Variants in KAZN observed in about 807,000 individuals in gnomAD.
KAZN encodes the protein kazrin.
Under a neutral mutation model 87.4 loss-of-function variants are expected in KAZN, and 40 were observed. That is an observed-to-expected ratio of 0.46 (90% confidence interval 0.36 to 0.60). The LOEUF (loss-of-function observed/expected upper bound fraction) is 0.60, where lower values mean the gene tolerates loss of function less well. KAZN is among the 20% of genes least tolerant of loss of function. The pLI is 0.00. For missense variants in KAZN, 898 were observed against 1,073.9 expected, an observed-to-expected ratio of 0.84 and a Z score of 2.29; for synonymous variants, 466 against 458.3, an observed-to-expected ratio of 1.02 and a Z score of -0.22.
intron 1 of KAZN, among the ~76,000 whole-genome samples, chr1:14,808,563 G>T (rs1024635444): frequency 6.6e-6 from 1 of 151,850 alleles, no homozygotes. Context: ...CTCCTAAAGT[G>T]CTGGGATCAC....
intron 2 of KAZN, among the ~76,000 whole-genome samples, chr1:14,205,332 G>A (rs1646717962): frequency 1.3e-5 from 2 of 152,208 alleles, no homozygotes; most frequent in Non-Finnish European, 2.9e-5. Context: ...ATAAAGTAGA[G>A]CTTGAAGGAA....
chr1:14,139,947 G>GGTA (rs1293857838), intron 1 of KAZN, among the ~76,000 whole-genome samples: 3 of 53,104 alleles, frequency 5.6e-5, no homozygotes, highest in African/African-American at 2.3e-4. Context: ...GTGTGTGTGT[G>GGTA]TGTGTGTGTG....
In KAZN at chr1:15,056,632, A is replaced by G. The variant is rs543603301; in HGVS notation, c.916+352A>G. Among the ~76,000 whole-genome samples the G allele has an allele frequency of 1.1e-4, 16 of 152,324 alleles. No individual in the cohort carries two copies. Among genetic ancestry groups the G allele is most frequent in the African/African-American group, 3.8e-4 (16 of 41,580 alleles). ...GCTCAAGTCTTAAGAAAGAAAAACT[A>G]TCTCTTTCCCCCTGTGTCCATAGCA... On this transcript the variant is annotated intron_variant, in intron 5 of 14. Coordinates refer to ENST00000376030, the MANE Select transcript of KAZN (RefSeq NM_201628.3). The surrounding 1 kb of genome is among the most constrained non-coding windows in gnomAD (Gnocchi z 5.4).
At chr1:14,383,013 A>G (rs1421437208) in intron 2 of KAZN, among the ~76,000 whole-genome samples, 1 of 150,738 alleles carries the variant, frequency 6.6e-6, no homozygotes, top group Non-Finnish European at 1.5e-5. Context: ...TTGCCATTCT[A>G]ACTGGTGTGA....
At chr1:14,039,345 A>G (rs2101385456) in intron 1 of KAZN, among the ~76,000 whole-genome samples, 1 of 152,320 alleles carries the variant, frequency 6.6e-6, no homozygotes, top group East Asian at 1.9e-4. Flanking sequence ...ATCAAGGCAT[A>G]CAGCAAGGAC....
intron 2 of KAZN, among the ~76,000 whole-genome samples, chr1:14,968,625 G>C (rs775312547): frequency 6.6e-6 from 1 of 152,196 alleles, no homozygotes; most frequent in Non-Finnish European, 1.5e-5. Flanking sequence ...GGGCACAGCA[G>C]CCAGCACGGG....
At chr1:14,969,896 C>A (rs1018023309) in intron 2 of KAZN, among the ~76,000 whole-genome samples, 6 of 152,132 alleles carry the variant, frequency 3.9e-5, no homozygotes, top group Non-Finnish European at 8.8e-5. Flanking sequence ...TCACTGCAAC[C>A]TCTACCTCCT....
chr1:15,002,832 C>T (rs781562665), intron 2 of KAZN, among the ~76,000 whole-genome samples: 4 of 151,810 alleles, frequency 2.6e-5, no homozygotes, highest in Non-Finnish European at 5.9e-5. Flanking sequence ...AAAAATTAGC[C>T]TGGTATGGTG....
At chr1:14,357,786 G>T (rs541473620) in intron 2 of KAZN, among the ~76,000 whole-genome samples, 127 of 152,162 alleles carry the variant, frequency 8.3e-4, no homozygotes, top group Non-Finnish European at 1.6e-3. Flanking sequence ...CTTGATCATG[G>T]TGGATAAGTT....
At chr1:14,875,482 T>TA (rs34495884) in intron 1 of KAZN, among the ~76,000 whole-genome samples, 48,532 of 133,950 alleles carry the variant, frequency 0.36, 9,228 homozygotes, top group Non-Finnish European at 0.45. Context: ...CTTAATTTAT[T>TA]AAAAAAAAAA....
At chr1:14,981,858 A>C (rs16851089) in intron 2 of KAZN, among the ~76,000 whole-genome samples, 109 of 152,312 alleles carry the variant, frequency 7.2e-4, no homozygotes, top group African/African-American at 2.1e-3. Flanking sequence ...TGCCTTTTCA[A>C]CATACCCTGA....
intron 1 of KAZN, among the ~76,000 whole-genome samples, chr1:14,851,847 C>G (rs1185326748): frequency 6.6e-6 from 1 of 152,198 alleles, no homozygotes; most frequent in Non-Finnish European, 1.5e-5. Context: ...GTGTAGCGAT[C>G]GCTCCACTAA....
At chr1:14,159,334 C>T (rs1324496372) in intron 1 of KAZN, among the ~76,000 whole-genome samples, 10 of 152,278 alleles carry the variant, frequency 6.6e-5, no homozygotes, top group African/African-American at 2.2e-4. Flanking sequence ...ACAGTCCTTC[C>T]CACTCTTCTC....
intron 10 of KAZN, among the ~76,000 whole-genome samples, chr1:15,098,310 C>G (rs1431653887): frequency 6.6e-6 from 1 of 152,236 alleles, no homozygotes; most frequent in East Asian, 1.9e-4. Flanking sequence ...TGGGCTCTTA[C>G]AATAAATAGC....
At chr1:14,790,149 TGTGC>T (rs1344775984) in intron 1 of KAZN, among the ~76,000 whole-genome samples, 1 of 152,006 alleles carries the variant, frequency 6.6e-6, no homozygotes, top group African/African-American at 2.4e-5. Flanking sequence ...ATTACAAACA[TGTGC>T]CACATGTCCA....
At chr1:14,150,641 G>A (rs948351670) in intron 1 of KAZN, among the ~76,000 whole-genome samples, 4 of 152,168 alleles carry the variant, frequency 2.6e-5, no homozygotes, top group Non-Finnish European at 1.5e-5. Flanking sequence ...TCAACTAGGA[G>A]CCATGCATGA....
chr1:14,697,159 A>AAAAAAAAG (rs1557897126), intron 1 of KAZN, among the ~76,000 whole-genome samples: 3 of 135,074 alleles, frequency 2.2e-5, no homozygotes, highest in Non-Finnish European at 3.1e-5. Context: ...AAAAAAAAAG[A>AAAAAAAAG]AAAGAAAAGA....
chr1:14,103,707 G>A (rs1009057370), intron 1 of KAZN, among the ~76,000 whole-genome samples: 2 of 152,130 alleles, frequency 1.3e-5, no homozygotes, highest in African/African-American at 2.4e-5. Context: ...AGGGACTCTT[G>A]TGATTTTATT....
chr1:14,284,064 T>C (rs1437682286), intron 2 of KAZN, among the ~76,000 whole-genome samples: 1 of 148,228 alleles, frequency 6.7e-6, no homozygotes, highest in African/African-American at 2.5e-5. Flanking sequence ...AACCCATAGA[T>C]AGAGAAAATA....
Sources: gnomAD v4.1 joint callset for allele counts (sites outside exome capture counted in the v4.1 genomes callset) on GRCh38, gnomAD v4.1.1 for gene constraint, Gnocchi (gnomAD v3.1) non-coding constraint, MANE v1.5 for transcripts, NCBI Gene and HGNC (gene_info 2026-07-23, HGNC 2026-07-21) for gene names.